Variants in SLC19A3 observed in about 807,000 individuals in gnomAD.
SLC19A3 encodes solute carrier family 19 member 3.
A neutral mutation model predicts 40.2 loss-of-function variants in SLC19A3; 31 were observed. That is an observed-to-expected ratio of 0.77 (90% CI 0.58 to 1.04). The LOEUF is 1.04. Among genes scored for constraint, SLC19A3 ranks in the 50% least tolerant of loss-of-function variants. SLC19A3 has a pLI of 0.00. For synonymous variants in SLC19A3, 212 were observed against 227.5 expected (o/e 0.93, Z 0.61); for missense variants, 592 against 596.7 (o/e 0.99, Z 0.08).
Position 227,699,530 on chromosome 2 carries a change from G to C in SLC19A3, c.185C>G (p.Ser62Cys), listed in dbSNP as rs1266097365. 13 of 1,614,050 alleles carry C rather than the reference G, an allele frequency of 8.1e-6. No individual in the cohort carries two copies. The highest frequency in any genetic ancestry group is 2.2e-5 in the South Asian group (2 of 91,080). ...CACAGGCAGCAGCAGCACCAGGTAG[G>C]AGTATGTCCAAACGGGGAAGATCTC... Reference protein sequence around the residue: ...TNEIFPVWTYSYLVLLLPVFV... With the variant: ...TNEIFPVWTYCYLVLLLPVFV... The change falls in exon 3 of 6, where the codon TCC becomes TGC. Residue 62 changes from serine to cysteine, a missense_variant. Coordinates refer to ENST00000644224, the MANE Select transcript of SLC19A3 (RefSeq NM_025243.4).
chr2:227,716,503 A>G (rs181311112), intron 1 of SLC19A3, among the ~76,000 whole-genome samples: 33 of 152,290 alleles, frequency 2.2e-4, no homozygotes, highest in African/African-American at 7.2e-4. Flanking sequence ...ACCAAAAGGA[A>G]CAACTGTTTC....
At chr2:227,693,590 C>G (rs13012824) in intron 4 of SLC19A3, among the ~76,000 whole-genome samples, 1 of 151,928 alleles carries the variant, frequency 6.6e-6, no homozygotes, top group Non-Finnish European at 1.5e-5. Context: ...AAAATCAAGT[C>G]AAAATGGATT....
rs1451259233 is a variant in SLC19A3 at position 227,699,381 on chromosome 2, A to G, written c.334T>C (p.Phe112Leu). ...TCGGCGGCGGTGACCATCCCATAGA[A>G]GAACTCTACAACCTGCATGGTCTTC... ...GVKTMQVVEF[F>L]YGMVTAAEVA... The change falls in exon 3 of 6, where the codon TTC (phenylalanine) becomes CTC (leucine). Residue 112 changes from phenylalanine (F) to leucine (L), a missense_variant. Transcript: ENST00000644224. The G allele has an allele frequency of 1.2e-6, 2 of 1,614,060 alleles. No individual in the cohort carries two copies. The highest frequency in any genetic ancestry group is 2.2e-5 in the South Asian group (2 of 91,078).
rs1329180844 is a variant in SLC19A3, at chr2:227,699,164, A to G, written c.551T>C (p.Phe184Ser). 3.7e-6 allele frequency: 6 copies of G among 1,614,100 alleles called. No individual in the cohort carries two copies. Among genetic ancestry groups the G allele is most frequent in the African/African-American group, 1.3e-5 (1 of 74,938 alleles). Residue 184 changes from phenylalanine (F) to serine (S), a missense_variant, in exon 3 of 6, where the codon TTC (phenylalanine) becomes TCC (serine). Physicochemically the swap from Phe to Ser is radical, Grantham distance 155. Coordinates refer to ENST00000644224, the MANE Select transcript of SLC19A3 (RefSeq NM_025243.4). Reference sequence around the variant, plus strand: ...CATTGGTAGGAAAAGTGAGAAAAGGAAAGCCACGGAGACAGAGGCCAAGGA... The same window carrying G: ...CATTGGTAGGAAAAGTGAGAAAAGGGAAGCCACGGAGACAGAGGCCAAGGA... ...VISLASVSVA[F>S]LFSLFLPMPK... is the part of the protein sequence containing the mutation.
At chr2:227,716,623 C>T (rs1696344184) in intron 1 of SLC19A3, among the ~76,000 whole-genome samples, 1 of 152,172 alleles carries the variant, frequency 6.6e-6, no homozygotes, top group East Asian at 1.9e-4. Flanking sequence ...CTAGCAGAAG[C>T]CCATCCACTT....
intron 2 of SLC19A3, chr2:227,701,754 C>T (rs1339002554): frequency 6.2e-6 from 1 of 160,964 alleles, no homozygotes; most frequent in African/African-American, 2.4e-5. Flanking sequence ...AATGGCTCAC[C>T]TGCTGGCAAA....
At chr2:227,714,776 T>C (rs1181612272) in intron 1 of SLC19A3, among the ~76,000 whole-genome samples, 1 of 137,390 alleles carries the variant, frequency 7.3e-6, no homozygotes, top group African/African-American at 2.7e-5. Flanking sequence ...GAGAGATAAA[T>C]ACATGAATAA....
At chr2:227,717,835 C>T in intron 1 of SLC19A3, 108 bp downstream of exon 1, 2 of 884,172 alleles carry the variant, frequency 2.3e-6, no homozygotes, top group Non-Finnish European at 2.7e-6. Context: ...CCCGCAGAGC[C>T]AGGAACCCGC....
chr2:227,696,468 CCTCT>C (rs1444949086), intron 3 of SLC19A3, among the ~76,000 whole-genome samples: 5 of 152,286 alleles, frequency 3.3e-5, no homozygotes, highest in African/African-American at 1.2e-4. Flanking sequence ...AATACACTGG[CCTCT>C]CTATTTGCCT....
At chr2:227,711,432 T>A (rs937832926) in intron 1 of SLC19A3, among the ~76,000 whole-genome samples, 40 of 142,736 alleles carry the variant, frequency 2.8e-4, no homozygotes, top group Non-Finnish European at 4.3e-4. Flanking sequence ...AAAAATAAAA[T>A]AAAATAAAAT....
At chr2:227,706,530 G>C (rs1234998288) in intron 1 of SLC19A3, 1 of 1,133,684 alleles carries the variant, frequency 8.8e-7, no homozygotes, top group South Asian at 4.6e-5. Flanking sequence ...CAGCGCTTTG[G>C]GAGGCTGAGG....
At chr2:227,695,551 C>G (rs570704307) in intron 4 of SLC19A3, 6,971 of 315,420 alleles carry the variant, frequency 0.022, 457 homozygotes, top group African/African-American at 0.14. Flanking sequence ...GCATTGAGTC[C>G]TGATCGTGAT....
chr2:227,713,382 G>A (rs560136959), intron 1 of SLC19A3, among the ~76,000 whole-genome samples: 1 of 143,484 alleles, frequency 7.0e-6, no homozygotes, highest in South Asian at 2.3e-4. Context: ...AGGTTGGGCT[G>A]GACAGTGAGA....
Position 227,703,880 on chromosome 2 carries a change from G to A in SLC19A3, c.-2-1560C>T, listed in dbSNP as rs1255421215. ...ATCTGAGACCTAGGACTATGCCACAGTGATCCACAGGCTGCTAAAAGCCTG... is the reference window on the plus strand; with the variant it reads ...ATCTGAGACCTAGGACTATGCCACAATGATCCACAGGCTGCTAAAAGCCTG... On this transcript the variant is annotated intron_variant, in intron 1 of 5. Transcript: ENST00000644224. This position sits in a 1 kb window ranked among gnomAD's most constrained non-coding sequence, Gnocchi z 4.7. Among the ~76,000 whole-genome samples, 1 of 152,148 alleles carries A rather than the reference G, an allele frequency of 6.6e-6. No individual in the cohort carries two copies. Among genetic ancestry groups the A allele is most frequent in the Non-Finnish European group, 1.5e-5 (1 of 68,036 alleles).
In SLC19A3 at chr2:227,699,363, C is replaced by T. The variant is rs1321806557; in HGVS notation, c.352G>A (p.Ala118Thr). Residue 118 changes from alanine to threonine, a missense_variant, in exon 3 of 6, where the codon GCC becomes ACC. Ala to Thr is a moderately conservative substitution (Grantham distance 58). Coordinates refer to ENST00000644224, the MANE Select transcript of SLC19A3 (RefSeq NM_025243.4). ...VVEFFYGMVTAAEVAYYAYIY... is the reference protein window; with the variant it reads ...VVEFFYGMVTTAEVAYYAYIY... ...TAGGCGTAGTAGGCCACCTCGGCGG[C>T]GGTGACCATCCCATAGAAGAACTCT... is the stretch of plus-strand genomic sequence containing the variant. 4.3e-6 allele frequency: 7 copies of T among 1,614,014 alleles called. No homozygotes were observed. Among genetic ancestry groups the T allele is most frequent in the Admixed American group, 1.7e-5 (1 of 59,974 alleles).
At chr2:227,691,739 C>A (rs1280393762) in intron 4 of SLC19A3, among the ~76,000 whole-genome samples, 1 of 151,836 alleles carries the variant, frequency 6.6e-6, no homozygotes, top group African/African-American at 2.4e-5. Context: ...AATATCAGAT[C>A]AGAAAGAAAT....
Position 227,687,361 on chromosome 2 carries a change from A to T in SLC19A3, c.*36T>A. 1.3e-6 allele frequency: 2 copies of T among 1,572,512 alleles called. No homozygotes were observed. Among genetic ancestry groups the T allele is most frequent in the Non-Finnish European group, 1.7e-6 (2 of 1,158,816 alleles). On this transcript the variant is annotated 3_prime_UTR_variant, in exon 6 of 6. Coordinates refer to ENST00000644224, the MANE Select transcript of SLC19A3 (RefSeq NM_025243.4). ...CAAAATCTTTCCTTATTATTGCATAACTTTGAAAGCCACTGTTGCGTTTGT... is the reference window on the plus strand; with the variant it reads ...CAAAATCTTTCCTTATTATTGCATATCTTTGAAAGCCACTGTTGCGTTTGT...
In SLC19A3 at chr2:227,695,899, T is replaced by A. The variant is rs758764828; in HGVS notation, c.1162A>T (p.Thr388Ser). The part of the protein sequence containing the change: ...IFKSSYMLLI[T>S]IAVFQIAVNL... ...GTTGGTAAAACTTACACTGCTATGG[T>A]TATAAGAAGCATATAGCTGGACTTG... Residue 388 changes from threonine (T) to serine (S), a missense_variant, in exon 4 of 6, where the codon ACC (threonine) becomes TCC (serine). Transcript: ENST00000644224. 1.2e-6 allele frequency: 2 copies of A among 1,614,054 alleles called. No homozygotes were observed. Among genetic ancestry groups the A allele is most frequent in the Non-Finnish European group, 8.5e-7 (1 of 1,180,024 alleles).
chr2:227,700,970 C>T (rs1215000446), intron 2 of SLC19A3: 15 of 1,304,104 alleles, frequency 1.2e-5, no homozygotes, highest in Non-Finnish European at 1.5e-5. Flanking sequence ...GAGCAAAGAC[C>T]ACACAACTGA....
Sources: allele counts gnomAD v4.1 joint callset (sites outside exome capture counted in the v4.1 genomes callset), GRCh38; gene constraint gnomAD v4.1.1; non-coding constraint Gnocchi (gnomAD v3.1); transcripts MANE v1.5; gene names NCBI Gene and HGNC (gene_info 2026-07-23, HGNC 2026-07-21).